HYAL4: variants seen among roughly 807,000 people sequenced by gnomAD.
HYAL4 encodes the protein hyaluronidase-4.
HYAL4 carries 37 observed loss-of-function variants against 35.2 expected under a neutral mutation model. The ratio of observed to expected loss-of-function variants is 1.05; its 90% CI spans 0.81 to 1.38. The LOEUF (loss-of-function observed/expected upper bound fraction) is 1.38. Ranked by LOEUF, HYAL4 falls within the 40% of genes most tolerant of loss-of-function variation. HYAL4 has a pLI of 0.00. For missense variants in HYAL4, 572 were observed against 572.4 expected, an observed-to-expected ratio of 1.00 and a Z score of 0.01; for synonymous variants, 198 against 203.2, an observed-to-expected ratio of 0.97 and a Z score of 0.22.
chr7:123,765,155 G>A, the HYAL4 span, among the ~76,000 whole-genome samples: 3 of 152,120 alleles, frequency 2.0e-5, no homozygotes, highest in Non-Finnish European at 2.9e-5. Context: ...ATTTCTGGAA[G>A]TTTTTGCATT....
intron 2 of HYAL4, among the ~76,000 whole-genome samples, chr7:123,863,579 C>T (rs1016015132): frequency 6.6e-6 from 1 of 152,112 alleles, no homozygotes; most frequent in African/African-American, 2.4e-5. Flanking sequence ...CAGAGGCGTT[C>T]CTGTGATTGG....
chr7:123,801,555 C>T, the HYAL4 span, among the ~76,000 whole-genome samples: 1 of 151,316 alleles, frequency 6.6e-6, no homozygotes, highest in Non-Finnish European at 1.5e-5. Context: ...TTACAAAATA[C>T]GAAAACCTAT....
Position 123,847,401 on chromosome 7 carries a change from A to G in HYAL4, c.-121-688A>G, listed in dbSNP as rs563380385. On this transcript the variant is annotated intron_variant, in intron 1 of 4. Coordinates refer to ENST00000223026, the MANE Select transcript of HYAL4 (RefSeq NM_012269.3). The stretch of plus-strand genomic sequence containing the variant: ...ATTAGTTCTAGTAAATTCATGTTGT[A>G]TTTACTCAGGATGATACCTAATACT... 5.3e-5 allele frequency among the ~76,000 whole-genome samples: 8 copies of G among 152,214 alleles called. No individual in the cohort carries two copies. In the East Asian group the frequency reaches 1.5e-3, roughly 29 times the overall value.
chr7:123,773,146 C>T, the HYAL4 span, among the ~76,000 whole-genome samples: 123 of 152,208 alleles, frequency 8.1e-4, 1 homozygote, highest in Non-Finnish European at 1.3e-3. Context: ...CTTATTCGCA[C>T]TTCGTTTTTG....
intron 2 of HYAL4, among the ~76,000 whole-genome samples, chr7:123,853,599 C>T (rs1163254418): frequency 6.6e-6 from 1 of 152,080 alleles, no homozygotes; most frequent in African/African-American, 2.4e-5. Context: ...GGTAGATAGG[C>T]TTTTTGATGT....
chr7:123,774,660 A>G, the HYAL4 span, among the ~76,000 whole-genome samples: 1 of 152,180 alleles, frequency 6.6e-6, no homozygotes, highest in East Asian at 1.9e-4. Flanking sequence ...TTTCATTTCC[A>G]TTACGATAAA....
At chr7:123,857,934 C>T (rs942998132) in intron 2 of HYAL4, among the ~76,000 whole-genome samples, 1 of 151,828 alleles carries the variant, frequency 6.6e-6, no homozygotes, top group Non-Finnish European at 1.5e-5. Context: ...TGGTGGCTCA[C>T]TCCTGTAATC....
chr7:123,835,816 T>C (rs777155709), intron 1 of HYAL4, among the ~76,000 whole-genome samples: 1 of 152,202 alleles, frequency 6.6e-6, no homozygotes, highest in Non-Finnish European at 1.5e-5. Flanking sequence ...TAAATTTCCT[T>C]CTTTATTTCA....
In HYAL4 at chr7:123,866,408, A is replaced by G. The variant is rs1420737780; in HGVS notation, c.-51-1815A>G. Among the ~76,000 whole-genome samples the G allele has an allele frequency of 4.6e-5, 7 of 152,216 alleles. No homozygotes were observed. The East Asian group carries it at 1.2e-3, about 25-fold the overall frequency. ...GCATCTAATTGGACTGACGACAGTC[A>G]TAGACCAATACCAAACCTGCAAGGA... On this transcript the variant is annotated intron_variant, in intron 2 of 4. Transcript: ENST00000223026.
chr7:123,876,396 A>C (rs999266799), intron 4 of HYAL4, among the ~76,000 whole-genome samples: 1 of 152,214 alleles, frequency 6.6e-6, no homozygotes, highest in Non-Finnish European at 1.5e-5. Context: ...TTTTCCTTTT[A>C]TACCCATTAA....
At chr7:123,823,624 T>C in the HYAL4 span, among the ~76,000 whole-genome samples, 1 of 151,670 alleles carries the variant, frequency 6.6e-6, no homozygotes, top group South Asian at 2.1e-4. Context: ...TCAGTCTCCA[T>C]GTTCGTTATT....
the HYAL4 span, among the ~76,000 whole-genome samples, chr7:123,787,847 A>T: frequency 6.6e-6 from 1 of 152,308 alleles, no homozygotes; most frequent in Non-Finnish European, 1.5e-5. Context: ...TTTTTTAACC[A>T]TGGTGAGTCA....
At chr7:123,817,035 A>G in the HYAL4 span, among the ~76,000 whole-genome samples, 2 of 152,288 alleles carry the variant, frequency 1.3e-5, no homozygotes, top group South Asian at 4.1e-4. Context: ...ACCTTCCTAT[A>G]ACGCAGGAAA....
At chr7:123,862,349 C>T (rs757239244) in intron 2 of HYAL4, among the ~76,000 whole-genome samples, 1 of 152,108 alleles carries the variant, frequency 6.6e-6, no homozygotes, top group Non-Finnish European at 1.5e-5. Context: ...GTTTTAGGAG[C>T]AGACACTTGG....
intron 3 of HYAL4, among the ~76,000 whole-genome samples, chr7:123,870,767 A>G (rs1268240555): frequency 6.6e-6 from 1 of 152,064 alleles, no homozygotes; most frequent in Non-Finnish European, 1.5e-5. Context: ...CTCAAAAAAA[A>G]AAAAAAAGAA....
the HYAL4 span, among the ~76,000 whole-genome samples, chr7:123,781,890 C>T: frequency 6.6e-6 from 1 of 152,130 alleles, no homozygotes; most frequent in Non-Finnish European, 1.5e-5. Flanking sequence ...TGGGTTACTT[C>T]ATAAATGGTA....
the HYAL4 span, among the ~76,000 whole-genome samples, chr7:123,773,957 G>A: frequency 6.6e-6 from 1 of 151,000 alleles, no homozygotes; most frequent in African/African-American, 2.4e-5. Context: ...CAGTCTGCTA[G>A]GCAGTGGGGG....
At chr7:123,842,816 C>T (rs1584912134), upstream of HYAL4, among the ~76,000 whole-genome samples, 1 of 151,900 alleles carries the variant, frequency 6.6e-6, no homozygotes, top group Non-Finnish European at 1.5e-5. Context: ...ACTAGGATTG[C>T]AACTCCTGCC....
chr7:123,809,914 C>CTGAAGAG, the HYAL4 span, among the ~76,000 whole-genome samples: 1 of 152,162 alleles, frequency 6.6e-6, no homozygotes, highest in South Asian at 2.1e-4. Context: ...TCAGATCAAA[C>CTGAAGAG]TGAAGAGCAG....
Sources: gnomAD v4.1 joint callset for allele counts (sites outside exome capture counted in the v4.1 genomes callset) on GRCh38, gnomAD v4.1.1 for gene constraint, MANE v1.5 for transcripts, NCBI Gene and HGNC (gene_info 2026-07-23, HGNC 2026-07-21) for gene names.